The following APOOL variants were observed in gnomAD, a reference collection of about 807,000 sequenced individuals.
The protein encoded by APOOL is MICOS complex subunit MIC27.
APOOL carries 12 observed loss-of-function variants against 23.1 expected under a neutral mutation model. That is an observed-to-expected ratio of 0.52 (90% CI 0.33 to 0.84). APOOL has a LOEUF of 0.84. Among genes scored for constraint, APOOL ranks in the 40% least tolerant of loss-of-function variants. The probability of loss-of-function intolerance (pLI) is 0.02; values close to 1 mark genes in which losing one functional copy is unlikely to be tolerated. For synonymous variants in APOOL, 77 were observed against 69.9 expected (o/e 1.10, Z -0.51); for missense variants, 212 against 199.6 (o/e 1.06, Z -0.37).
At chrX:85,011,417 C>T (rs1443050489) in intron 1 of APOOL, among the ~76,000 whole-genome samples, 2 of 111,698 alleles carry the variant, frequency 1.8e-5, no homozygotes, top group Non-Finnish European at 3.8e-5. Context: ...TTTGCCTAAG[C>T]CAATGTCTAG....
intron 8 of APOOL, among the ~76,000 whole-genome samples, chrX:85,081,963 C>T (rs766329699): frequency 3.8e-4 from 43 of 112,055 alleles, no homozygotes; most frequent in African/African-American, 1.4e-3. Context: ...AAGGTCTTCT[C>T]TACACTGTTC....
intron 6 of APOOL, 136 bp downstream of exon 6, chrX:85,067,354 A>T (rs773498689): frequency 2.0e-4 from 81 of 397,475 alleles, no homozygotes; most frequent in Non-Finnish European, 3.2e-4. Flanking sequence ...TGTTGGCCAA[A>T]TCACATTAGC....
chrX:85,005,731 A>G (rs981389975), intron 1 of APOOL, among the ~76,000 whole-genome samples: 5 of 110,790 alleles, frequency 4.5e-5, no homozygotes, highest in African/African-American at 1.7e-4. Context: ...GATATAACAC[A>G]TATAACACAA....
At chrX:85,004,222 G>A (rs2042790365) in intron 1 of APOOL, among the ~76,000 whole-genome samples, 1 of 111,288 alleles carries the variant, frequency 9.0e-6, no homozygotes, top group African/African-American at 3.3e-5. Flanking sequence ...GCGACGAGCC[G>A]CAGTAGACGT....
chrX:85,032,243 G>A lies in APOOL; in HGVS notation c.16-14203G>A, dbSNP rs188258056. 7.5e-3 allele frequency among the ~76,000 whole-genome samples: 841 copies of A among 112,334 alleles called. 7 individuals are homozygous for A. The highest frequency in any genetic ancestry group is 0.025 in the African/African-American group (776 of 30,921). On this transcript the variant is annotated intron_variant, in intron 1 of 8. Coordinates refer to ENST00000373173, the MANE Select transcript of APOOL (RefSeq NM_198450.6). Reference sequence around the variant, plus strand: ...AAGATGTTTAGTTGTGGCTGGGCGCGGTGGCTCATGCCTGTAATCCCAGCA... The same window carrying A: ...AAGATGTTTAGTTGTGGCTGGGCGCAGTGGCTCATGCCTGTAATCCCAGCA...
At chrX:85,047,860 C>T (rs775234036) in intron 2 of APOOL, among the ~76,000 whole-genome samples, 36 of 111,429 alleles carry the variant, frequency 3.2e-4, no homozygotes, top group African/African-American at 9.1e-4. Flanking sequence ...CCTGATTCCA[C>T]GACTGACTAG....
At chrX:85,085,372 A>G (rs1924252969) in intron 8 of APOOL, among the ~76,000 whole-genome samples, 1 of 111,652 alleles carries the variant, frequency 9.0e-6, no homozygotes, top group African/African-American at 3.2e-5. Context: ...AGATCACATG[A>G]GTTCTATAAC....
At chrX:85,064,018 G>A (rs1338988250) in intron 5 of APOOL, among the ~76,000 whole-genome samples, 2 of 110,438 alleles carry the variant, frequency 1.8e-5, no homozygotes, top group African/African-American at 6.6e-5. Flanking sequence ...GCTTTTTTTG[G>A]ATAGTAGGCT....
intron 1 of APOOL, among the ~76,000 whole-genome samples, chrX:85,026,124 G>T (rs754785740): frequency 1.8e-5 from 2 of 113,408 alleles, no homozygotes; most frequent in Admixed American, 1.8e-4. Context: ...ATCACTGCTG[G>T]ATTCTGCACC....
At chrX:85,010,770 C>T (rs1921250293) in intron 1 of APOOL, among the ~76,000 whole-genome samples, 1 of 111,924 alleles carries the variant, frequency 8.9e-6, no homozygotes, top group Non-Finnish European at 1.9e-5. Context: ...GGGTTGGTTA[C>T]ATATTTTCAC....
In APOOL at chrX:85,074,360, T is replaced by G. The variant is rs2147662163; in HGVS notation, c.687T>G (p.Ser229=). Residue 229 remains serine (S), a synonymous_variant, in exon 8 of 9, where the codon TCT becomes TCG. Transcript: ENST00000373173. Reference sequence around the variant, plus strand: ...TGCCCTTGCCAACAGAACTCAGCTCTGAAGCAAAGACCAAATCAGAATCCA... The same window carrying G: ...TGCCCTTGCCAACAGAACTCAGCTCGGAAGCAAAGACCAAATCAGAATCCA... ...HSVPLPTELS[S]EAKTKSESTS... 1 of 1,209,549 alleles carries G rather than the reference T, an allele frequency of 8.3e-7. No individual in the cohort carries two copies. The highest frequency in any genetic ancestry group is 1.1e-6 in the Non-Finnish European group (1 of 894,733).
chrX:85,052,000 A>G lies in APOOL; in HGVS notation c.240+492A>G, dbSNP rs192892271. On this transcript the variant is annotated intron_variant, in intron 3 of 8. Transcript: ENST00000373173. ...AAGAAAGTCACTTCTACAGCATTCT[A>G]TTGTTAAGTCACTAAGGCCAGCTCA... is the stretch of plus-strand genomic sequence containing the variant. 6.0e-3 allele frequency among the ~76,000 whole-genome samples: 674 copies of G among 111,922 alleles called. 5 individuals carry two copies. The highest frequency in any genetic ancestry group is 0.021 in the African/African-American group (637 of 30,859).
At chrX:85,053,451 C>G (rs774950518) in intron 3 of APOOL, among the ~76,000 whole-genome samples, 5 of 111,432 alleles carry the variant, frequency 4.5e-5, no homozygotes, top group Non-Finnish European at 7.6e-5. Context: ...ATCTCTATAA[C>G]AAAAACTTAT....
chrX:85,053,053 C>T (rs1241867737), intron 3 of APOOL, among the ~76,000 whole-genome samples: 1 of 111,481 alleles, frequency 9.0e-6, no homozygotes, highest in Non-Finnish European at 1.9e-5. Flanking sequence ...GTAATCCATT[C>T]TTTAAAAATT....
chrX:85,081,359 G>C (rs1040722694), intron 8 of APOOL, among the ~76,000 whole-genome samples: 2 of 111,085 alleles, frequency 1.8e-5, no homozygotes, highest in African/African-American at 6.6e-5. Flanking sequence ...GCTTAGTTTG[G>C]CTGGATATGA....
chrX:85,042,406 A>C (rs1922429746), intron 1 of APOOL, among the ~76,000 whole-genome samples: 1 of 112,012 alleles, frequency 8.9e-6, no homozygotes, highest in Non-Finnish European at 1.9e-5. Flanking sequence ...TGAACCATGA[A>C]GAAATCCAAA....
chrX:85,068,239 A>C (rs955329328), intron 6 of APOOL, among the ~76,000 whole-genome samples: 1 of 110,812 alleles, frequency 9.0e-6, no homozygotes. Context: ...AGCTCATTTA[A>C]TTCAACTTTG....
At position 85,055,814 on chromosome X, in the gene APOOL, C is replaced by G; in HGVS notation, c.296-13C>G. Reference sequence around the variant, plus strand: ...TTCAGTTATTCATGTTAATTTTTAACTGATTTCTTGAGATGCTTATGTCTA... The same window carrying G: ...TTCAGTTATTCATGTTAATTTTTAAGTGATTTCTTGAGATGCTTATGTCTA... On this transcript the variant is annotated splice_polypyrimidine_tract_variant and intron_variant, in intron 4 of 8. Coordinates refer to ENST00000373173, the MANE Select transcript of APOOL (RefSeq NM_198450.6). The G allele has an allele frequency of 8.7e-7, 1 of 1,147,275 alleles. No individual in the cohort carries two copies. Among genetic ancestry groups the G allele is most frequent in the South Asian group, 2.0e-5 (1 of 51,235 alleles). 94.5% of individuals were successfully genotyped at this position (1,147,275 alleles called of 1,213,427 possible).
chrX:85,059,627 A>G (rs1482771137), intron 5 of APOOL, among the ~76,000 whole-genome samples: 3 of 109,818 alleles, frequency 2.7e-5, no homozygotes, highest in Non-Finnish European at 3.8e-5. Context: ...TCTGATGGCC[A>G]GTGATGATGA....
Sources: gnomAD v4.1 joint callset for allele counts (sites outside exome capture counted in the v4.1 genomes callset) on GRCh38, gnomAD v4.1.1 for gene constraint, MANE v1.5 for transcripts, NCBI Gene and HGNC (gene_info 2026-07-23, HGNC 2026-07-21) for gene names.